RABGAP1L: variants seen among roughly 807,000 people sequenced by gnomAD.
RABGAP1L encodes the protein rab GTPase-activating protein 1-like.
A neutral mutation model predicts 137.7 loss-of-function variants in RABGAP1L; 63 were observed. That is an observed-to-expected ratio of 0.46 (90% CI 0.37 to 0.56). RABGAP1L has a LOEUF of 0.56. RABGAP1L is among the 20% of genes least tolerant of loss of function. RABGAP1L has a pLI of 0.00. For missense variants in RABGAP1L, 1,095 were observed against 1,244.0 expected (o/e 0.88, Z 1.80); for synonymous variants, 431 against 433.7 (o/e 0.99, Z 0.08).
chr1:174,793,135 AAAAAAAAG>A (rs1687984448), intron 18 of RABGAP1L, among the ~76,000 whole-genome samples: 1 of 151,842 alleles, frequency 6.6e-6, no homozygotes. Context: ...TCCATCTCCA[AAAAAAAAG>A]AAAAAAAGAA....
At chr1:174,384,310 G>C (rs779443009) in intron 12 of RABGAP1L, among the ~76,000 whole-genome samples, 2 of 152,130 alleles carry the variant, frequency 1.3e-5, no homozygotes, top group African/African-American at 2.4e-5. Context: ...GGTATGGGGG[G>C]AATGAGGGAA....
intron 3 of RABGAP1L, among the ~76,000 whole-genome samples, chr1:174,222,358 A>G (rs1485091339): frequency 6.6e-6 from 1 of 152,206 alleles, no homozygotes; most frequent in African/African-American, 2.4e-5. Flanking sequence ...GGGTAAGTAT[A>G]GGTATAGCCA....
intron 11 of RABGAP1L, among the ~76,000 whole-genome samples, chr1:174,354,137 A>G (rs1178696295): frequency 6.6e-6 from 1 of 152,118 alleles, no homozygotes; most frequent in Non-Finnish European, 1.5e-5. Flanking sequence ...GATGGGCTCT[A>G]ACATCTAACA....
intron 13 of RABGAP1L, among the ~76,000 whole-genome samples, chr1:174,610,456 T>G (rs902011938): frequency 5.3e-5 from 8 of 152,006 alleles, no homozygotes; most frequent in African/African-American, 1.9e-4. Flanking sequence ...AGTCTATCAT[T>G]GTTGGACATT....
intron 19 of RABGAP1L, among the ~76,000 whole-genome samples, chr1:174,869,636 G>A (rs1047663308): frequency 2.0e-5 from 3 of 152,170 alleles, no homozygotes; most frequent in African/African-American, 7.2e-5. Context: ...GACAACTTAT[G>A]TAATTTGCTC....
intron 18 of RABGAP1L, chr1:174,800,115 T>G: frequency 7.3e-7 from 1 of 1,371,788 alleles, no homozygotes; most frequent in Non-Finnish European, 9.4e-7. Flanking sequence ...AGATCAGTAC[T>G]TGATTTCATT....
intron 13 of RABGAP1L, among the ~76,000 whole-genome samples, chr1:174,550,897 C>T (rs75368209): frequency 0.13 from 4,737 of 36,036 alleles, 258 homozygotes; most frequent in African/African-American, 0.38. Context: ...TATATATATA[C>T]ACACACACAT....
intron 13 of RABGAP1L, among the ~76,000 whole-genome samples, chr1:174,622,595 G>A (rs6675515): frequency 0.37 from 55,818 of 151,996 alleles, 13,508 homozygotes; most frequent in African/African-American, 0.69. Context: ...TCAGCAAACT[G>A]TCACAAGGAC....
intron 13 of RABGAP1L, among the ~76,000 whole-genome samples, chr1:174,566,708 C>A (rs553914043): frequency 6.6e-6 from 1 of 152,240 alleles, no homozygotes; most frequent in South Asian, 2.1e-4. Context: ...TTAAACAAGA[C>A]CGTACTAAGA....
At chr1:174,637,630 T>G in intron 14 of RABGAP1L, 142 bp downstream of exon 14, 2 of 594,338 alleles carry the variant, frequency 3.4e-6, no homozygotes, top group South Asian at 5.0e-5. Context: ...TATGAGATCC[T>G]CAGTACTGAT....
chr1:174,294,054 C>A (rs567908984), intron 10 of RABGAP1L, among the ~76,000 whole-genome samples: 1 of 152,180 alleles, frequency 6.6e-6, no homozygotes, highest in African/African-American at 2.4e-5. Flanking sequence ...TAACCTTAGG[C>A]AAGATATTAG....
chr1:174,612,087 A>C (rs1186497609), intron 13 of RABGAP1L, among the ~76,000 whole-genome samples: 4 of 152,206 alleles, frequency 2.6e-5, no homozygotes, highest in African/African-American at 9.7e-5. Context: ...AACTTCTAAC[A>C]CTATGTTGAA....
intron 20 of RABGAP1L, 54 bp from the exon 21 acceptor site, chr1:174,969,223 C>T (rs753027712): frequency 2.9e-5 from 39 of 1,348,582 alleles, no homozygotes; most frequent in Non-Finnish European, 3.6e-5. Flanking sequence ...CAGTTCTGTT[C>T]GTTTCTGTAT....
intron 13 of RABGAP1L, chr1:174,547,920 C>A (rs1255827646): frequency 6.5e-7 from 1 of 1,550,282 alleles, no homozygotes. Context: ...CCATGACACC[C>A]TGTAACCAGC....
chr1:174,223,701 G>A (rs1669949544), intron 3 of RABGAP1L, among the ~76,000 whole-genome samples: 1 of 152,068 alleles, frequency 6.6e-6, no homozygotes, highest in African/African-American at 2.4e-5. Context: ...CTGTAACTTG[G>A]GTGGGAATTT....
intron 13 of RABGAP1L, among the ~76,000 whole-genome samples, chr1:174,540,302 A>G (rs891383994): frequency 1.3e-5 from 2 of 152,086 alleles, no homozygotes; most frequent in Non-Finnish European, 2.9e-5. Flanking sequence ...GTTTAATTAA[A>G]TCCCATTTAT....
intron 10 of RABGAP1L, among the ~76,000 whole-genome samples, chr1:174,290,467 T>C (rs1238331194): frequency 6.6e-6 from 1 of 152,178 alleles, no homozygotes; most frequent in Non-Finnish European, 1.5e-5. Context: ...GCTCCACTTA[T>C]ACTTCCAATA....
chr1:174,658,324 A>G lies in RABGAP1L; in HGVS notation c.1824+20836A>G, dbSNP rs117700435. ...TGCCTTTTTGCTGATGTCACTGCCCATATTTTTTTCTATATATAACCATTT... is the reference window on the plus strand; with the variant it reads ...TGCCTTTTTGCTGATGTCACTGCCCGTATTTTTTTCTATATATAACCATTT... On this transcript the variant is annotated intron_variant, in intron 14 of 25. Transcript: ENST00000681986. Among the ~76,000 whole-genome samples, 402 of 152,186 alleles carry G rather than the reference A, an allele frequency of 2.6e-3. 12 individuals are homozygous for G. In the East Asian group the frequency reaches 0.053, roughly 20 times the overall value.
At chr1:174,852,041 CT>C (rs1164251307) in intron 19 of RABGAP1L, among the ~76,000 whole-genome samples, 3 of 152,064 alleles carry the variant, frequency 2.0e-5, no homozygotes, top group African/African-American at 7.2e-5. Flanking sequence ...GGTAGTTTAC[CT>C]TTTAAGTTGC....
Sources: gnomAD v4.1 joint callset for allele counts (sites outside exome capture counted in the v4.1 genomes callset) on GRCh38, gnomAD v4.1.1 for gene constraint, MANE v1.5 for transcripts, NCBI Gene and HGNC (gene_info 2026-07-23, HGNC 2026-07-21) for gene names.